TRPV4: variants seen among roughly 807,000 people sequenced by gnomAD.
TRPV4 encodes transient receptor potential cation channel subfamily V member 4, also known as OSM9-like transient receptor potential channel 4.
Under a neutral mutation model 84.1 loss-of-function variants are expected in TRPV4, and 58 were observed. The ratio of observed to expected loss-of-function variants is 0.69; its 90% CI spans 0.56 to 0.86. The LOEUF is 0.86. TRPV4 is among the 40% of genes least tolerant of loss of function. The pLI is 0.00. For synonymous variants in TRPV4, 489 were observed against 500.9 expected, an observed-to-expected ratio of 0.98 and a Z score of 0.32; for missense variants, 879 against 1,181.1, an observed-to-expected ratio of 0.74 and a Z score of 3.75.
At chr12:109,791,441 G>A (rs1001140457) in intron 12 of TRPV4, among the ~76,000 whole-genome samples, 1 of 148,382 alleles carries the variant, frequency 6.7e-6, no homozygotes, top group African/African-American at 2.5e-5. Flanking sequence ...GGCTTCCTTT[G>A]TAGCAATAGC....
At chr12:109,811,973 C>A (rs575794218) in intron 2 of TRPV4, among the ~76,000 whole-genome samples, 1 of 152,244 alleles carries the variant, frequency 6.6e-6, no homozygotes, top group African/African-American at 2.4e-5. Context: ...GCAGGGCCTG[C>A]TGAGGCTCAG....
chr12:109,821,828 G>A (rs141616144), intron 1 of TRPV4, among the ~76,000 whole-genome samples: 188 of 152,130 alleles, frequency 1.2e-3, no homozygotes, highest in Non-Finnish European at 2.0e-3. Flanking sequence ...CACCGCACCC[G>A]GCCTATATAT....
chr12:109,804,601 G>A (rs546483855), intron 3 of TRPV4, among the ~76,000 whole-genome samples: 41 of 152,258 alleles, frequency 2.7e-4, no homozygotes, highest in African/African-American at 8.9e-4. Context: ...CCTAAATGCC[G>A]GGAATCAGTG....
At chr12:109,809,989 T>C (rs891516205) in intron 2 of TRPV4, among the ~76,000 whole-genome samples, 3 of 152,166 alleles carry the variant, frequency 2.0e-5, no homozygotes, top group African/African-American at 7.2e-5. Context: ...GGAGCTTGTA[T>C]GTGCATGGGA....
Position 109,798,850 on chromosome 12 carries a change from C to G in TRPV4, c.916G>C (p.Glu306Gln). ...ATGTCCGCCTTCTTGTGGGGGTTCT[C>G]CGTCAGGTAGTTGACAATGTGGGGC... The part of the protein sequence containing the change: ...NQPHIVNYLT[E>Q]NPHKKADMRR... Residue 306 changes from glutamate (E) to glutamine (Q), a missense_variant, in exon 6 of 16, where the codon GAG becomes CAG. This residue lies in a region of TRPV4 where 521 missense variants were observed against 686.6 expected (regional missense o/e 0.76). Coordinates refer to ENST00000261740, the MANE Select transcript of TRPV4 (RefSeq NM_021625.5). This position sits in a 1 kb window ranked among gnomAD's most constrained non-coding sequence, Gnocchi z 5.0. The G allele has an allele frequency of 6.2e-7, 1 of 1,614,094 alleles. No homozygotes were observed. Among genetic ancestry groups the G allele is most frequent in the Non-Finnish European group, 8.5e-7 (1 of 1,180,022 alleles).
In TRPV4 at chr12:109,788,589, C is replaced by G; in HGVS notation, c.2019G>C (p.Leu673=). ...CGCCCATGCCGATGGTCAGCTTAAA[C>G]AGGTCCAGGAGGAAGGTGCTGAAGG... ...SETFSTFLLD[L]FKLTIGMGDL... Residue 673 remains leucine, a synonymous_variant, in exon 13 of 16, where the codon CTG becomes CTC. Coordinates refer to ENST00000261740, the MANE Select transcript of TRPV4 (RefSeq NM_021625.5). The G allele has an allele frequency of 6.2e-7, 1 of 1,614,268 alleles. No individual in the cohort carries two copies. Among genetic ancestry groups the G allele is most frequent in the Non-Finnish European group, 8.5e-7 (1 of 1,180,052 alleles).
At chr12:109,792,852 G>A in intron 10 of TRPV4, 35 bp from the exon 11 acceptor site, 1 of 1,610,646 alleles carries the variant, frequency 6.2e-7, no homozygotes. Context: ...AGAGGCCAGA[G>A]GGGAGAGGGG....
chr12:109,791,546 C>T (rs1868972427), intron 12 of TRPV4, among the ~76,000 whole-genome samples: 3 of 146,174 alleles, frequency 2.1e-5, no homozygotes, highest in South Asian at 4.5e-4. Flanking sequence ...GCAGTGGTGC[C>T]ATCTTGGCTT....
rs1268033037 is a variant in TRPV4, at chr12:109,794,309, C to T, written c.1491+20G>A. On this transcript the variant is annotated intron_variant, in intron 8 of 15. Coordinates refer to ENST00000261740, the MANE Select transcript of TRPV4 (RefSeq NM_021625.5). ...AGCCCAGTGCCTGCCCCAGCCCCTG[C>T]CCGGTCCCCGGGCACTCACTGTGCC... The T allele has an allele frequency of 1.2e-6, 2 of 1,610,230 alleles. No homozygotes were observed. Among genetic ancestry groups the T allele is most frequent in the South Asian group, 2.2e-5 (2 of 91,080 alleles).
In TRPV4 at chr12:109,792,755, T is replaced by A; in HGVS notation, c.1721A>T (p.Tyr574Phe). 6.2e-7 allele frequency: 1 copy of A among 1,614,044 alleles called. No individual in the cohort carries two copies. The highest frequency in any genetic ancestry group is 1.1e-5 in the South Asian group (1 of 91,070). The change falls in exon 11 of 16, where the codon TAC becomes TTC. Residue 574 changes from tyrosine (Y) to phenylalanine (F), a missense_variant. Physicochemically the swap from Tyr to Phe is conservative, Grantham distance 22. Around this residue, in one of 4 missense-constraint regions of TRPV4, gnomAD observed 521 missense variants for 686.6 expected, o/e 0.76. Coordinates refer to ENST00000261740, the MANE Select transcript of TRPV4 (RefSeq NM_021625.5). ...CAGGGCAAAGACCATCACGGCCAGGTAGGCCTCGATCCCTGCCAGGTAGAG... is the reference window on the plus strand; with the variant it reads ...CAGGGCAAAGACCATCACGGCCAGGAAGGCCTCGATCCCTGCCAGGTAGAG... ...AALYLAGIEA[Y>F]LAVMVFALVL...
chr12:109,796,730 G>T lies in TRPV4; in HGVS notation c.1153-26C>A. The T allele has an allele frequency of 6.3e-7, 1 of 1,595,830 alleles. No individual in the cohort carries two copies. Reference sequence around the variant, plus strand: ...CTGCACAGGGGGCCAGGAGGGTCAGGGGGCTCACACTGGAAAGACCCCCAG... The same window carrying T: ...CTGCACAGGGGGCCAGGAGGGTCAGTGGGCTCACACTGGAAAGACCCCCAG... On this transcript the variant is annotated intron_variant, in intron 6 of 15. Coordinates refer to ENST00000261740, the MANE Select transcript of TRPV4 (RefSeq NM_021625.5). This position sits in a 1 kb window ranked among gnomAD's most constrained non-coding sequence, Gnocchi z 4.2.
At chr12:109,806,254 G>A (rs1033657705) in intron 3 of TRPV4, among the ~76,000 whole-genome samples, 1 of 151,850 alleles carries the variant, frequency 6.6e-6, no homozygotes. Context: ...GAGTGCAGTG[G>A]TGCAATCTCG....
chr12:109,823,711 C>T (rs1476463618), intron 1 of TRPV4, among the ~76,000 whole-genome samples: 2 of 151,986 alleles, frequency 1.3e-5, no homozygotes, highest in African/African-American at 2.4e-5. Flanking sequence ...TGAAAATGTT[C>T]TGGAATGAGA....
At chr12:109,825,572 C>T (rs150252586) in intron 1 of TRPV4, among the ~76,000 whole-genome samples, 41 of 152,288 alleles carry the variant, frequency 2.7e-4, no homozygotes, top group African/African-American at 9.9e-4. Flanking sequence ...GCTCCAAAAC[C>T]AGGGCTCGTG....
chr12:109,819,241 G>A (rs991808332), intron 1 of TRPV4, among the ~76,000 whole-genome samples: 13 of 152,212 alleles, frequency 8.5e-5, no homozygotes, highest in Admixed American at 3.9e-4. Context: ...TTAGGAGGGA[G>A]GGAAGTCGGG....
At chr12:109,823,814 T>C (rs1426201861) in intron 1 of TRPV4, among the ~76,000 whole-genome samples, 2 of 152,206 alleles carry the variant, frequency 1.3e-5, no homozygotes, top group Non-Finnish European at 2.9e-5. Flanking sequence ...GAATTACATC[T>C]AAATGACCCT....
chr12:109,820,127 G>T (rs1420983815), intron 1 of TRPV4, among the ~76,000 whole-genome samples: 1 of 152,118 alleles, frequency 6.6e-6, no homozygotes, highest in Admixed American at 6.6e-5. Flanking sequence ...GATGTGAACA[G>T]AACAGATATC....
rs1369551427 is a variant in TRPV4 at position 109,798,963 on chromosome 12, G to A, written c.854-51C>T. The A allele has an allele frequency of 6.4e-7, 1 of 1,555,154 alleles. No individual in the cohort carries two copies. The highest frequency in any genetic ancestry group is 2.2e-5 in the East Asian group (1 of 44,448). ...GGTCAGCGAAGGGGGCCCAGGGTGG[G>A]ACTCTGCCTGCAGACACTCGGGGGA... On this transcript the variant is annotated intron_variant, in intron 5 of 15. Transcript: ENST00000261740. The surrounding 1 kb of genome is among the most constrained non-coding windows in gnomAD (Gnocchi z 5.0).
At chr12:109,791,298 G>A (rs542489508) in intron 12 of TRPV4, among the ~76,000 whole-genome samples, 183 of 151,962 alleles carry the variant, frequency 1.2e-3, no homozygotes, top group Middle Eastern at 6.8e-3. Flanking sequence ...CAAGAGAATC[G>A]CTTGAACCCA....
Sources: gnomAD v4.1 joint callset for allele counts (sites outside exome capture counted in the v4.1 genomes callset) on GRCh38, gnomAD v4.1.1 for gene constraint, gnomAD v4.1.1 regional missense constraint, Gnocchi (gnomAD v3.1) non-coding constraint, MANE v1.5 for transcripts, NCBI Gene and HGNC (gene_info 2026-07-23, HGNC 2026-07-21) for gene names.